Variants in ZNF462 observed in about 807,000 individuals in gnomAD.
The protein encoded by ZNF462 is zinc finger PBX1-interacting protein.
In ZNF462, 10 loss-of-function variants were observed where a neutral mutation model predicts 201.9. The observed-to-expected ratio is 0.05, with a 90% confidence interval of 0.03 to 0.08. The LOEUF is 0.08. Among genes scored for constraint, ZNF462 ranks in the 10% least tolerant of loss-of-function variants. ZNF462 has a pLI of 1.00. For missense variants in ZNF462, 2,523 were observed against 3,168.3 expected (o/e 0.80, Z 4.89); for synonymous variants, 1,227 against 1,193.3 (o/e 1.03, Z -0.58).
At chr9:106,982,066 A>T (rs1827476309) in intron 9 of ZNF462, among the ~76,000 whole-genome samples, 1 of 152,242 alleles carries the variant, frequency 6.6e-6, no homozygotes, top group Admixed American at 6.5e-5. Context: ...GTCTAAAGGC[A>T]TATCCCCAGC....
At chr9:107,002,578 T>G (rs1403324866) in intron 10 of ZNF462, among the ~76,000 whole-genome samples, 2 of 152,190 alleles carry the variant, frequency 1.3e-5, no homozygotes, top group Admixed American at 1.3e-4. Context: ...GAAGAAAGCT[T>G]GGATTCCCAC....
chr9:106,959,715 A>T (rs959920548), intron 7 of ZNF462, among the ~76,000 whole-genome samples: 1 of 152,118 alleles, frequency 6.6e-6, no homozygotes, highest in Non-Finnish European at 1.5e-5. Context: ...AATAATTCTC[A>T]TAAGGTCATG....
rs1327243899 is a variant in ZNF462 at position 106,930,197 on chromosome 9, C to A, written c.5848-328C>A. Among the ~76,000 whole-genome samples, 1 of 152,098 alleles carries A rather than the reference C, an allele frequency of 6.6e-6. No individual in the cohort carries two copies. The highest frequency in any genetic ancestry group is 1.5e-5 in the Non-Finnish European group (1 of 68,022). On this transcript the variant is annotated intron_variant, in intron 3 of 12. Transcript: ENST00000277225. This position sits in a 1 kb window ranked among gnomAD's most constrained non-coding sequence, Gnocchi z 5.8. ...GTAGATTTTATTTTATCAAGAAGTT[C>A]ATTAATGGCGCAACTATGCAACGTT...
intron 1 of ZNF462, among the ~76,000 whole-genome samples, chr9:106,882,311 C>G (rs1475132602): frequency 6.6e-6 from 1 of 152,196 alleles, no homozygotes; most frequent in Non-Finnish European, 1.5e-5. Flanking sequence ...GTCTGTAAAC[C>G]AAACCTAGCA....
intron 10 of ZNF462, among the ~76,000 whole-genome samples, chr9:106,987,618 T>C (rs1022494893): frequency 8.5e-5 from 13 of 152,214 alleles, no homozygotes; most frequent in African/African-American, 9.6e-5. Context: ...GGGTTGTCTG[T>C]TTACTCTGCT....
intron 1 of ZNF462, among the ~76,000 whole-genome samples, chr9:106,896,070 A>G (rs937918307): frequency 2.6e-5 from 4 of 152,166 alleles, no homozygotes; most frequent in African/African-American, 9.7e-5. Context: ...AAACTGTACC[A>G]TAACAATCTA....
rs200297693 is a variant in ZNF462 at position 106,982,846 on chromosome 9, GC to G, written c.6833-1338del. Among the ~76,000 whole-genome samples the G allele has an allele frequency of 9.7e-3, 1,474 of 152,234 alleles. 25 individuals carry two copies. The highest frequency in any genetic ancestry group is 0.034 in the African/African-American group (1,396 of 41,548). ...CATTGGGTGGGGAAAATTCCCTAGAGCCTGCACACTGGCCAGCAACAAAGGG... is the reference window on the plus strand; with the variant it reads ...CATTGGGTGGGGAAAATTCCCTAGAGCTGCACACTGGCCAGCAACAAAGGG... On this transcript the variant is annotated intron_variant, in intron 9 of 12. Coordinates refer to ENST00000277225, the MANE Select transcript of ZNF462 (RefSeq NM_021224.6).
Position 106,890,433 on chromosome 9 carries a change from CA to C in ZNF462, c.-31+27083del, listed in dbSNP as rs1008888173. Among the ~76,000 whole-genome samples, 2 of 152,152 alleles carry C rather than the reference CA, an allele frequency of 1.3e-5. No homozygotes were observed. Among genetic ancestry groups the C allele is most frequent in the Non-Finnish European group, 2.9e-5 (2 of 68,022 alleles). ...CCTTCTGGAGTCCTTTTTGGGCATA[CA>C]AAAATCTAGCACTTGAAGCCACTTA... is the stretch of plus-strand genomic sequence containing the variant. On this transcript the variant is annotated intron_variant, in intron 1 of 12. Transcript: ENST00000277225. This position sits in a 1 kb window ranked among gnomAD's most constrained non-coding sequence, Gnocchi z 4.2.
chr9:107,006,168 G>T lies in ZNF462; in HGVS notation c.7189+2742G>T, dbSNP rs998720251. On this transcript the variant is annotated intron_variant, in intron 11 of 12. Coordinates refer to ENST00000277225, the MANE Select transcript of ZNF462 (RefSeq NM_021224.6). This position sits in a 1 kb window ranked among gnomAD's most constrained non-coding sequence, Gnocchi z 4.3. ...TTTAAGATTTCTTTGGCTATCCAGG[G>T]TGTGGTTCCATGGGTTGTTGTAAAG... Among the ~76,000 whole-genome samples, 2 of 152,082 alleles carry T rather than the reference G, an allele frequency of 1.3e-5. No individual in the cohort carries two copies. Among genetic ancestry groups the T allele is most frequent in the Non-Finnish European group, 2.9e-5 (2 of 68,016 alleles).
At chr9:106,893,850 C>T (rs73668706) in intron 1 of ZNF462, among the ~76,000 whole-genome samples, 9,672 of 152,214 alleles carry the variant, frequency 0.064, 532 homozygotes, top group African/African-American at 0.15. Flanking sequence ...TGGTAGGTGT[C>T]AAAAAACTGG....
chr9:106,862,396 G>C (rs1587957720), upstream of ZNF462, among the ~76,000 whole-genome samples: 1 of 152,212 alleles, frequency 6.6e-6, no homozygotes, highest in South Asian at 2.1e-4. This position sits in a 1 kb window ranked among gnomAD's most constrained non-coding sequence, Gnocchi z 4.2. Context: ...GTCCTCACCG[G>C]GGGCTTCCTC....
chr9:106,908,876 T>C (rs1237616906), intron 1 of ZNF462, among the ~76,000 whole-genome samples: 1 of 138,884 alleles, frequency 7.2e-6, no homozygotes, highest in Non-Finnish European at 1.5e-5. Context: ...ATTTCTGTCC[T>C]GCTGTGAAAG....
At chr9:106,959,486 G>A (rs991576592) in intron 7 of ZNF462, among the ~76,000 whole-genome samples, 4 of 152,090 alleles carry the variant, frequency 2.6e-5, no homozygotes, top group Non-Finnish European at 4.4e-5. Context: ...CTCACTATGT[G>A]CCAGTCACTG....
chr9:106,929,045 T>G lies in ZNF462; in HGVS notation c.5133T>G (p.Gly1711=), dbSNP rs1252898311. ...LCAYTNPIRK[G]LAAHYQKRHD... The stretch of plus-strand genomic sequence containing the variant: ...CCTACACCAACCCCATCCGCAAAGG[T>G]CTGGCAGCCCACTACCAGAAGCGCC... The change falls in exon 3 of 13, where the codon GGT becomes GGG. Residue 1711 remains glycine, a synonymous_variant. Transcript: ENST00000277225. The surrounding 1 kb of genome is among the most constrained non-coding windows in gnomAD (Gnocchi z 8.7). The G allele has an allele frequency of 6.2e-7, 1 of 1,613,782 alleles. No homozygotes were observed. Among genetic ancestry groups the G allele is most frequent in the Admixed American group, 1.7e-5 (1 of 59,988 alleles).
At chr9:106,884,464 G>C (rs975061025) in intron 1 of ZNF462, among the ~76,000 whole-genome samples, 3 of 152,022 alleles carry the variant, frequency 2.0e-5, no homozygotes, top group Non-Finnish European at 4.4e-5. Flanking sequence ...ACTCACTACT[G>C]TGGTTACTGG....
At position 106,966,204 on chromosome 9, in the gene ZNF462, C is replaced by T. The variant is rs987901913; in HGVS notation, c.6428-5801C>T. Among the ~76,000 whole-genome samples the T allele has an allele frequency of 2.0e-5, 3 of 152,014 alleles. No homozygotes were observed. Among genetic ancestry groups the T allele is most frequent in the Admixed American group, 2.0e-4 (3 of 15,236 alleles). ...CTTCCTATGCTATTTTAGAACTTGG[C>T]GATTTTAAATTGTCCCTTACACAAC... On this transcript the variant is annotated intron_variant, in intron 7 of 12. Transcript: ENST00000277225. This position sits in a 1 kb window ranked among gnomAD's most constrained non-coding sequence, Gnocchi z 4.4.
At chr9:106,947,942 G>A (rs1333286071) in intron 7 of ZNF462, among the ~76,000 whole-genome samples, 1 of 152,186 alleles carries the variant, frequency 6.6e-6, no homozygotes. Context: ...GTTAACAGAT[G>A]TACAGATAAT....
chr9:106,862,725 G>A (rs1029579224), upstream of ZNF462, among the ~76,000 whole-genome samples: 4 of 152,108 alleles, frequency 2.6e-5, no homozygotes, highest in Non-Finnish European at 5.9e-5. The surrounding 1 kb of genome is among the most constrained non-coding windows in gnomAD (Gnocchi z 4.2). Context: ...CAGCAGGGGG[G>A]AGGGGGAACA....
At chr9:106,994,512 TG>T (rs1362488844) in intron 10 of ZNF462, among the ~76,000 whole-genome samples, 1 of 152,134 alleles carries the variant, frequency 6.6e-6, no homozygotes, top group Admixed American at 6.6e-5. Flanking sequence ...TTTTTTGGAT[TG>T]CTTTTTATTT....
Sources: allele counts gnomAD v4.1 joint callset (sites outside exome capture counted in the v4.1 genomes callset), GRCh38; gene constraint gnomAD v4.1.1; non-coding constraint Gnocchi (gnomAD v3.1); transcripts MANE v1.5; gene names NCBI Gene and HGNC (gene_info 2026-07-23, HGNC 2026-07-21).